The following PHF24 variants were observed in gnomAD, a reference collection of about 807,000 sequenced individuals.
PHF24 encodes PHD finger protein 24.
PHF24 carries 25 observed loss-of-function variants against 42.6 expected under a neutral mutation model. That is an observed-to-expected ratio of 0.59 (90% CI 0.43 to 0.82). The LOEUF (loss-of-function observed/expected upper bound fraction) is 0.82. Among genes scored for constraint, PHF24 ranks in the 40% least tolerant of loss-of-function variants. The probability of loss-of-function intolerance (pLI) is 0.00; values close to 1 mark genes in which losing one functional copy is unlikely to be tolerated. For missense variants in PHF24, 470 were observed against 538.1 expected (o/e 0.87, Z 1.25); for synonymous variants, 185 against 204.8 (o/e 0.90, Z 0.83).
At chr9:34,976,913 G>A (rs899441613) in intron 5 of PHF24, among the ~76,000 whole-genome samples, 170 bp from the exon 6 acceptor site, 2 of 152,200 alleles carry the variant, frequency 1.3e-5, no homozygotes, top group African/African-American at 4.8e-5. Flanking sequence ...AGGAAACTGC[G>A]TGAGGAAGAC....
the PHF24 span, among the ~76,000 whole-genome samples, chr9:34,951,610 GA>G: frequency 6.6e-6 from 1 of 152,190 alleles, no homozygotes; most frequent in Non-Finnish European, 1.5e-5. Flanking sequence ...AGAGCCTCCA[GA>G]AGGAATAGAG....
chr9:34,767,515 G>A, the PHF24 span, among the ~76,000 whole-genome samples: 3 of 152,234 alleles, frequency 2.0e-5, no homozygotes, highest in Non-Finnish European at 2.9e-5. Flanking sequence ...AGCCAGGTGC[G>A]GGATATAGTC....
At chr9:34,939,087 C>T in the PHF24 span, among the ~76,000 whole-genome samples, 2 of 152,040 alleles carry the variant, frequency 1.3e-5, no homozygotes, top group African/African-American at 2.4e-5. Flanking sequence ...TCAAGACCAG[C>T]CTGACCAACA....
At chr9:34,982,225 GC>G (rs1176825564) in exon 8 of PHF24, 1 of 152,160 alleles carries the variant, frequency 6.6e-6, no homozygotes, top group Non-Finnish European at 1.5e-5. Context: ...TGACACAAAG[GC>G]CCTCAAGATT....
the PHF24 span, among the ~76,000 whole-genome samples, chr9:34,845,941 A>C: frequency 6.6e-5 from 10 of 152,048 alleles, no homozygotes; most frequent in African/African-American, 2.2e-4. Context: ...ATCGTTTTTT[A>C]TGGGTGCATA....
chr9:34,694,744 C>T, the PHF24 span, among the ~76,000 whole-genome samples: 1 of 152,206 alleles, frequency 6.6e-6, no homozygotes, highest in Non-Finnish European at 1.5e-5. Context: ...GCTGGGATGA[C>T]AGGCTTTGGA....
At chr9:34,853,939 C>T in the PHF24 span, among the ~76,000 whole-genome samples, 1 of 151,814 alleles carries the variant, frequency 6.6e-6, no homozygotes, top group South Asian at 2.1e-4. Context: ...CTATTTGTTA[C>T]TGCCTCAATT....
the PHF24 span, among the ~76,000 whole-genome samples, chr9:34,785,417 C>T: frequency 4.6e-5 from 7 of 152,290 alleles, no homozygotes; most frequent in Admixed American, 1.3e-4. Flanking sequence ...TGGAGGGGAA[C>T]CATTCAAACC....
chr9:34,859,554 G>A, the PHF24 span, among the ~76,000 whole-genome samples: 2 of 152,042 alleles, frequency 1.3e-5, no homozygotes, highest in African/African-American at 4.8e-5. Context: ...TATGATATTT[G>A]TCAGTTTCTG....
the PHF24 span, among the ~76,000 whole-genome samples, chr9:34,768,102 C>G: frequency 6.6e-6 from 1 of 152,182 alleles, no homozygotes; most frequent in East Asian, 1.9e-4. Flanking sequence ...GCATCTATCT[C>G]CTCTGCTCAT....
At chr9:34,832,015 T>A in the PHF24 span, among the ~76,000 whole-genome samples, 1 of 152,196 alleles carries the variant, frequency 6.6e-6, no homozygotes, top group Non-Finnish European at 1.5e-5. Context: ...ATCTGAATTG[T>A]GGGTTAAAGC....
chr9:34,783,292 C>T, the PHF24 span, among the ~76,000 whole-genome samples: 1 of 152,132 alleles, frequency 6.6e-6, no homozygotes, highest in Admixed American at 6.5e-5. Flanking sequence ...CATGAAAGGG[C>T]CCGATAACTT....
At chr9:34,947,045 C>T in the PHF24 span, among the ~76,000 whole-genome samples, 3 of 152,220 alleles carry the variant, frequency 2.0e-5, no homozygotes, top group African/African-American at 4.8e-5. Flanking sequence ...ACTTTCCCCA[C>T]TCTGCTCCAT....
the PHF24 span, among the ~76,000 whole-genome samples, chr9:34,893,672 G>T: frequency 6.6e-6 from 1 of 152,138 alleles, no homozygotes; most frequent in Non-Finnish European, 1.5e-5. Flanking sequence ...TGACGATCTA[G>T]AGCTTGTTGG....
At chr9:34,735,723 C>T in the PHF24 span, among the ~76,000 whole-genome samples, 3 of 151,616 alleles carry the variant, frequency 2.0e-5, no homozygotes, top group South Asian at 2.1e-4. Context: ...CGCTTGAATC[C>T]GGGTAGCGGA....
At chr9:34,838,536 C>A in the PHF24 span, 1 of 1,273,020 alleles carries the variant, frequency 7.9e-7, no homozygotes, top group South Asian at 1.3e-5. Context: ...CCCTCTATCT[C>A]GGCATTCAGG....
the PHF24 span, among the ~76,000 whole-genome samples, chr9:34,771,094 CAA>C: frequency 6.6e-6 from 1 of 152,124 alleles, no homozygotes; most frequent in Admixed American, 6.5e-5. Context: ...GTGTGGGTGA[CAA>C]GAGCAAAACT....
chr9:34,885,195 C>A, the PHF24 span, among the ~76,000 whole-genome samples: 2 of 152,224 alleles, frequency 1.3e-5, no homozygotes, highest in Non-Finnish European at 2.9e-5. Context: ...TAGGCCTAGA[C>A]CTTGTGACTT....
chr9:34,720,304 G>T, the PHF24 span, among the ~76,000 whole-genome samples: 2 of 152,080 alleles, frequency 1.3e-5, no homozygotes, highest in Non-Finnish European at 2.9e-5. Flanking sequence ...AATTAGCTGG[G>T]TGCGGTGGCG....
Sources: allele counts gnomAD v4.1 joint callset (sites outside exome capture counted in the v4.1 genomes callset), GRCh38; gene constraint gnomAD v4.1.1; transcripts MANE v1.5; gene names NCBI Gene and HGNC (gene_info 2026-07-23, HGNC 2026-07-21).